MYO5A: variants seen among roughly 807,000 people sequenced by gnomAD.
MYO5A encodes the protein unconventional myosin-Va.
MYO5A carries 98 observed loss-of-function variants against 249.7 expected under a neutral mutation model. The observed-to-expected ratio is 0.39, with a 90% confidence interval of 0.33 to 0.46. The LOEUF (loss-of-function observed/expected upper bound fraction) is 0.46. Ranked by LOEUF, MYO5A falls within the 20% of genes least tolerant of loss-of-function variation. MYO5A has a pLI of 0.98. For missense variants in MYO5A, 1,696 were observed against 2,308.8 expected, an observed-to-expected ratio of 0.73 and a Z score of 5.44; for synonymous variants, 778 against 810.6, an observed-to-expected ratio of 0.96 and a Z score of 0.68.
chr15:52,392,711 ATCT>A (rs2042299480), intron 11 of MYO5A, among the ~76,000 whole-genome samples: 1 of 152,232 alleles, frequency 6.6e-6, no homozygotes, highest in African/African-American at 2.4e-5. Context: ...ATTGCTTCTC[ATCT>A]CCATTCACAT....
intron 1 of MYO5A, among the ~76,000 whole-genome samples, chr15:52,521,656 C>T (rs4774629): frequency 0.61 from 93,169 of 152,136 alleles, 29,703 homozygotes; most frequent in East Asian, 0.71. Context: ...AAAATAATTA[C>T]ATCATCCCTA....
At chr15:52,459,890 C>A (rs1026499178) in intron 1 of MYO5A, among the ~76,000 whole-genome samples, 1 of 150,998 alleles carries the variant, frequency 6.6e-6, no homozygotes, top group African/African-American at 2.4e-5. Flanking sequence ...ACTTCCCAGA[C>A]GGGGCGGTTG....
Position 52,347,898 on chromosome 15 carries a change from A to C in MYO5A, c.3858+920T>G, listed in dbSNP as rs1207668087. Among the ~76,000 whole-genome samples, 5 of 152,152 alleles carry C rather than the reference A, an allele frequency of 3.3e-5. No individual in the cohort carries two copies. The South Asian group carries it at 6.2e-4, about 19-fold the overall frequency. ...AGGAATAAAATCTTTCTGTTTTATA[A>C]AGGGCCATACTCAGATTTTTAAAAC... On this transcript the variant is annotated intron_variant, in intron 29 of 41. Coordinates refer to ENST00000399233, the MANE Select transcript of MYO5A (RefSeq NM_001382347.1).
chr15:52,376,341 A>T lies in MYO5A; in HGVS notation c.2420+6T>A, dbSNP rs750456660. 2.5e-6 allele frequency: 4 copies of T among 1,613,434 alleles called. No homozygotes were observed. In the African/African-American group the frequency reaches 5.3e-5, roughly 22 times the overall value. ...GGGCACTCTACTCTGTCCCCAGGAG[A>T]CCTACCATCGGGCCTGGTAGCCCCG... On this transcript the variant is annotated splice_donor_region_variant and intron_variant, in intron 19 of 41. Transcript: ENST00000399233.
chr15:52,386,842 C>T (rs774304969), intron 14 of MYO5A, among the ~76,000 whole-genome samples: 1 of 152,176 alleles, frequency 6.6e-6, no homozygotes, highest in African/African-American at 2.4e-5. Context: ...GCTACAACAC[C>T]TGGTCTCGAC....
intron 16 of MYO5A, among the ~76,000 whole-genome samples, chr15:52,380,126 C>A (rs2041655717): frequency 6.6e-6 from 1 of 152,182 alleles, no homozygotes; most frequent in Non-Finnish European, 1.5e-5. Context: ...ACATTACCTG[C>A]AACTCAAACC....
intron 1 of MYO5A, among the ~76,000 whole-genome samples, chr15:52,495,234 T>C (rs1001082239): frequency 2.0e-5 from 3 of 152,192 alleles, no homozygotes; most frequent in Admixed American, 1.3e-4. Flanking sequence ...TAGAAGGAAG[T>C]CTTGTCATTT....
chr15:52,445,782 G>C (rs1224687676), intron 1 of MYO5A, among the ~76,000 whole-genome samples: 1 of 152,184 alleles, frequency 6.6e-6, no homozygotes, highest in Non-Finnish European at 1.5e-5. Flanking sequence ...TGTGGCCCCC[G>C]CCCTAGGGGA....
At chr15:52,338,136 G>T (rs1446165236) in intron 32 of MYO5A, among the ~76,000 whole-genome samples, 1 of 150,458 alleles carries the variant, frequency 6.6e-6, no homozygotes, top group African/African-American at 2.5e-5. Context: ...CACTTAGCAG[G>T]CCCAGATAAG....
At chr15:52,415,436 G>A (rs981376990) in intron 5 of MYO5A, among the ~76,000 whole-genome samples, 1 of 151,896 alleles carries the variant, frequency 6.6e-6, no homozygotes, top group Non-Finnish European at 1.5e-5. Context: ...ATTTTCATTG[G>A]CACAGGCATT....
At chr15:52,392,139 C>T in intron 11 of MYO5A, 69 bp from the exon 12 acceptor site, 1 of 1,456,962 alleles carries the variant, frequency 6.9e-7, no homozygotes, top group East Asian at 2.3e-5. Context: ...CAAGATGATA[C>T]CAACATAATT....
intron 1 of MYO5A, among the ~76,000 whole-genome samples, chr15:52,487,156 T>C (rs2076838656): frequency 6.6e-6 from 1 of 152,174 alleles, no homozygotes; most frequent in Non-Finnish European, 1.5e-5. Context: ...CAGCTCACTC[T>C]TGTAATGCCA....
At chr15:52,438,381 C>T (rs763280316) in intron 1 of MYO5A, among the ~76,000 whole-genome samples, 10 of 152,162 alleles carry the variant, frequency 6.6e-5, no homozygotes, top group Non-Finnish European at 1.5e-4. Context: ...ACACTGCCTA[C>T]TTAGTCTGCA....
At chr15:52,316,233 CAAAAAAAAA>C (rs5812596) in intron 40 of MYO5A, among the ~76,000 whole-genome samples, 2 of 60,348 alleles carry the variant, frequency 3.3e-5, no homozygotes, top group African/African-American at 1.3e-4. Context: ...GACTCCGTCA[CAAAAAAAAA>C]AAAAAAAAAA....
intron 1 of MYO5A, among the ~76,000 whole-genome samples, chr15:52,465,367 G>T (rs1288248036): frequency 6.6e-6 from 1 of 151,988 alleles, no homozygotes; most frequent in African/African-American, 2.4e-5. Context: ...TATGAAAGTT[G>T]ATCTAGGTTT....
chr15:52,506,276 G>A (rs1380603942), intron 1 of MYO5A, among the ~76,000 whole-genome samples: 2 of 152,220 alleles, frequency 1.3e-5, no homozygotes, highest in African/African-American at 2.4e-5. Flanking sequence ...ACGTGAACCC[G>A]GGAGGCTGAG....
intron 1 of MYO5A, among the ~76,000 whole-genome samples, chr15:52,502,990 CAA>C (rs1205175193): frequency 6.6e-6 from 1 of 152,044 alleles, no homozygotes; most frequent in Non-Finnish European, 1.5e-5. Flanking sequence ...CTCATGAAGA[CAA>C]GAGAGTAGAC....
At chr15:52,392,266 A>T (rs773527800) in intron 11 of MYO5A, among the ~76,000 whole-genome samples, 196 bp from the exon 12 acceptor site, 2 of 152,248 alleles carry the variant, frequency 1.3e-5, no homozygotes, top group African/African-American at 2.4e-5. Flanking sequence ...TTGGTAAACA[A>T]GTAAATCTAG....
intron 9 of MYO5A, among the ~76,000 whole-genome samples, chr15:52,400,537 T>C (rs1412718699): frequency 6.6e-6 from 1 of 152,248 alleles, no homozygotes; most frequent in East Asian, 1.9e-4. Flanking sequence ...TCCAGGATCA[T>C]GCATTGAATT....
Sources: allele counts gnomAD v4.1 joint callset (sites outside exome capture counted in the v4.1 genomes callset), GRCh38; gene constraint gnomAD v4.1.1; transcripts MANE v1.5; gene names NCBI Gene and HGNC (gene_info 2026-07-23, HGNC 2026-07-21).